SPEG: variants seen among roughly 807,000 people sequenced by gnomAD.
The protein encoded by SPEG is striated muscle enriched protein kinase.
Under a neutral mutation model 300.4 loss-of-function variants are expected in SPEG, and 114 were observed. That is an observed-to-expected ratio of 0.38 (90% CI 0.33 to 0.44). The LOEUF (loss-of-function observed/expected upper bound fraction) is 0.44. SPEG is among the 20% of genes least tolerant of loss of function. The pLI is 1.00. For synonymous variants in SPEG, 1,964 were observed against 2,018.9 expected (o/e 0.97, Z 0.73); for missense variants, 4,201 against 4,586.2 (o/e 0.92, Z 2.43).
chr2:219,456,180 C>A (rs529425794), intron 6 of SPEG, among the ~76,000 whole-genome samples: 1 of 152,234 alleles, frequency 6.6e-6, no homozygotes, highest in African/African-American at 2.4e-5. Flanking sequence ...ATAGAATCAA[C>A]ATGACCACAG....
At position 219,479,039 on chromosome 2, in the gene SPEG, C is replaced by A; in HGVS notation, c.5028-105C>A. The A allele has an allele frequency of 2.1e-6, 2 of 971,380 alleles. No individual in the cohort carries two copies. The highest frequency in any genetic ancestry group is 3.2e-6 in the Non-Finnish European group (2 of 620,658). The allele number at this position is 971,380 out of a possible 1,614,324, so 60.2% of individuals were successfully genotyped here. On this transcript the variant is annotated intron_variant, in intron 22 of 40. Transcript: ENST00000312358. This position sits in a 1 kb window ranked among gnomAD's most constrained non-coding sequence, Gnocchi z 5.5. ...CAGTCTCTGGCTAGTATCAAGCATT[C>A]TGTAAGGGGAAGGAGAACCCCGTGC...
Position 219,448,854 on chromosome 2 carries a change from G to T in SPEG, c.1696G>T (p.Asp566Tyr). ...TCCGAGCAGCGCGGAGAAGCCGGGG[G>T]ACGAGCCTGGGAGGCCCAGGAGCCG... Reference protein sequence around the residue: ...PSPSSAEKPGDEPGRPRSRGP... With the variant: ...PSPSSAEKPGYEPGRPRSRGP... Residue 566 changes from aspartate to tyrosine, a missense_variant, in exon 4 of 41, where the codon GAC (aspartate) becomes TAC (tyrosine). Asp to Tyr is a radical substitution (Grantham distance 160). Around this residue, in one of 4 missense-constraint regions of SPEG, gnomAD observed 1,258 missense variants for 1,293.9 expected, o/e 0.97. Coordinates refer to ENST00000312358, the MANE Select transcript of SPEG (RefSeq NM_005876.5). The T allele has an allele frequency of 7.1e-7, 1 of 1,402,148 alleles. No individual in the cohort carries two copies. The allele number at this position is 1,402,148 out of a possible 1,614,324, so 86.9% of individuals were successfully genotyped here.
intron 29 of SPEG, 79 bp from the exon 30 acceptor site, chr2:219,483,019 C>A (rs1281399001): frequency 2.7e-6 from 4 of 1,497,528 alleles, no homozygotes; most frequent in Admixed American, 1.9e-5. Context: ...AGGCCTCTTC[C>A]CCAGGGCTGA....
chr2:219,483,480 G>T lies in SPEG; in HGVS notation c.6017G>T (p.Arg2006Met). Residue 2006 changes from arginine to methionine, a missense_variant, in exon 30 of 41, where the codon AGG becomes ATG. Coordinates refer to ENST00000312358, the MANE Select transcript of SPEG (RefSeq NM_005876.5). ...GAGCCCGCAGCTGGGGCTAGCCCCA[G>T]GCGGGGAGAGCTCCGCAGGGGCAGC... is the stretch of plus-strand genomic sequence containing the variant. ...GQEPAAGASP[R>M]RGELRRGSSA... 1 of 1,456,830 alleles carries T rather than the reference G, an allele frequency of 6.9e-7. No individual in the cohort carries two copies. The highest frequency in any genetic ancestry group is 2.6e-5 in the East Asian group (1 of 38,674). 90.2% of individuals were successfully genotyped at this position (1,456,830 alleles called of 1,614,324 possible).
chr2:219,448,933 G>C lies in SPEG; in HGVS notation c.1775G>C (p.Arg592Pro). 2 of 1,492,430 alleles carry C rather than the reference G, an allele frequency of 1.3e-6. No individual in the cohort carries two copies. Among genetic ancestry groups the C allele is most frequent in the Non-Finnish European group, 1.8e-6 (2 of 1,126,148 alleles). The allele number at this position is 1,492,430 out of a possible 1,614,324, so 92.4% of individuals were successfully genotyped here. ...GAAGGCCCGCAGCAGGAGGTTAGGC[G>C]TCGGGACCAATTCCCGCTGACCCGG... ...PGEGPQQEVR[R>P]RDQFPLTRSR... The change falls in exon 4 of 41, where the codon CGT becomes CCT. Residue 592 changes from arginine (R) to proline (P), a missense_variant. Physicochemically the swap from Arg to Pro is moderately radical, Grantham distance 103. Around this residue, in one of 4 missense-constraint regions of SPEG, gnomAD observed 1,258 missense variants for 1,293.9 expected, o/e 0.97. Coordinates refer to ENST00000312358, the MANE Select transcript of SPEG (RefSeq NM_005876.5).
Position 219,448,580 on chromosome 2 carries a change from G to C in SPEG, c.1422G>C (p.Ala474=). Residue 474 remains alanine (A), a synonymous_variant, in exon 4 of 41, where the codon GCG becomes GCC. Transcript: ENST00000312358. ...GGCGCCGCCTGTTCCAGCAGAAAGC[G>C]GCCTCGCTGGACGAGCGCACGCGTC... ...AERRRLFQQK[A]ASLDERTRQR... is the part of the protein sequence containing the mutation. The C allele has an allele frequency of 6.9e-7, 1 of 1,454,314 alleles. No homozygotes were observed. The highest frequency in any genetic ancestry group is 9.0e-7 in the Non-Finnish European group (1 of 1,110,664). 90.1% of individuals were successfully genotyped at this position (1,454,314 alleles called of 1,614,324 possible).
rs374104156 is a variant in SPEG, at chr2:219,451,611, G to C, written c.2258-14G>C. ...GTGGGCCGTGGCGAGCCGGGTCCCTGTGCCTCCCCACAGTGTCCTGGCACA... is the reference window on the plus strand; with the variant it reads ...GTGGGCCGTGGCGAGCCGGGTCCCTCTGCCTCCCCACAGTGTCCTGGCACA... On this transcript the variant is annotated splice_polypyrimidine_tract_variant and intron_variant, in intron 5 of 40. Transcript: ENST00000312358. The surrounding 1 kb of genome is among the most constrained non-coding windows in gnomAD (Gnocchi z 6.4). 1 of 1,523,098 alleles carries C rather than the reference G, an allele frequency of 6.6e-7. No individual in the cohort carries two copies. Among genetic ancestry groups the C allele is most frequent in the African/African-American group, 1.4e-5 (1 of 72,916 alleles). 94.3% of individuals were successfully genotyped at this position (1,523,098 alleles called of 1,614,324 possible).
At position 219,481,383 on chromosome 2, in the gene SPEG, G is replaced by A. The variant is rs369290013; in HGVS notation, c.5449G>A (p.Glu1817Lys). The stretch of plus-strand genomic sequence containing the variant: ...CATCCGAAACTACAACGTGGCCTTC[G>A]AGGAGACCACATTCCTGAGCCTGAG... The part of the protein sequence containing the change: ...MNIRNYNVAF[E>K]ETTFLSLSRE... Residue 1817 changes from glutamate to lysine, a missense_variant, in exon 27 of 41, where the codon GAG (glutamate) becomes AAG (lysine). Coordinates refer to ENST00000312358, the MANE Select transcript of SPEG (RefSeq NM_005876.5). The surrounding 1 kb of genome is among the most constrained non-coding windows in gnomAD (Gnocchi z 5.4). 22 of 1,613,994 alleles carry A rather than the reference G, an allele frequency of 1.4e-5. No homozygotes were observed. The highest frequency in any genetic ancestry group is 8.3e-5 in the Admixed American group (5 of 60,004).
In SPEG at chr2:219,457,358, G is replaced by A. The variant is rs1690273181; in HGVS notation, c.2441-4524G>A. 3.9e-5 allele frequency among the ~76,000 whole-genome samples: 6 copies of A among 152,150 alleles called. No homozygotes were observed. In the South Asian group the frequency reaches 8.3e-4, roughly 21 times the overall value. On this transcript the variant is annotated intron_variant, in intron 6 of 40. Coordinates refer to ENST00000312358, the MANE Select transcript of SPEG (RefSeq NM_005876.5). The stretch of plus-strand genomic sequence containing the variant: ...AGCACTTTGGGAGGCCAAGGCAGGT[G>A]GAACACTTGAGACCAGGAGTTTGAG...
chr2:219,440,130 C>T (rs1400325738), intron 1 of SPEG, among the ~76,000 whole-genome samples: 1 of 152,214 alleles, frequency 6.6e-6, no homozygotes, highest in East Asian at 1.9e-4. Flanking sequence ...TGCCTATCAT[C>T]CCAGCATTTT....
rs1044615479 is a variant in SPEG at position 219,480,259 on chromosome 2, G to A, written c.5342+119G>A. 2 of 1,127,838 alleles carry A rather than the reference G, an allele frequency of 1.8e-6. No individual in the cohort carries two copies. The highest frequency in any genetic ancestry group is 2.1e-5 in the Admixed American group (1 of 46,592). 69.9% of individuals were successfully genotyped at this position (1,127,838 alleles called of 1,614,324 possible). Reference sequence around the variant, plus strand: ...GAATTCCTCCTGAAGGTGGGCTGGAGGCATTGTTTGCAGGGTCTCCTGCCC... The same window carrying A: ...GAATTCCTCCTGAAGGTGGGCTGGAAGCATTGTTTGCAGGGTCTCCTGCCC... On this transcript the variant is annotated intron_variant, in intron 25 of 40. Transcript: ENST00000312358. The surrounding 1 kb of genome is among the most constrained non-coding windows in gnomAD (Gnocchi z 5.3).
In SPEG at chr2:219,481,687, C is replaced by T. The variant is rs763796363; in HGVS notation, c.5565+7C>T. On this transcript the variant is annotated splice_region_variant and intron_variant, in intron 28 of 40. Coordinates refer to ENST00000312358, the MANE Select transcript of SPEG (RefSeq NM_005876.5). This position sits in a 1 kb window ranked among gnomAD's most constrained non-coding sequence, Gnocchi z 5.4. The stretch of plus-strand genomic sequence containing the variant: ...AGAACATCCTTGGTTCAAAGTGAGT[C>T]TAGTCTGCAAAGTGGTGGCACAAAA... 1.1e-5 allele frequency: 17 copies of T among 1,613,816 alleles called. No individual in the cohort carries two copies. Among genetic ancestry groups the T allele is most frequent in the Middle Eastern group, 1.7e-4 (1 of 6,060 alleles).
Position 219,484,365 on chromosome 2 carries a change from C to G in SPEG, c.6902C>G (p.Pro2301Arg). 1 of 1,607,104 alleles carries G rather than the reference C, an allele frequency of 6.2e-7. No homozygotes were observed. The highest frequency in any genetic ancestry group is 1.7e-4 in the Middle Eastern group (1 of 6,054). The change falls in exon 30 of 41, where the codon CCG becomes CGG. Residue 2301 changes from proline (P) to arginine (R), a missense_variant. By Grantham distance (103) the Pro-to-Arg change is moderately radical (BLOSUM62 -2). Around this residue, in one of 4 missense-constraint regions of SPEG, gnomAD observed 1,578 missense variants for 1,506.0 expected, o/e 1.05. Coordinates refer to ENST00000312358, the MANE Select transcript of SPEG (RefSeq NM_005876.5). ...EKRVPSAGGP[P>R]VLAEKARVPT... The stretch of plus-strand genomic sequence containing the variant: ...CGCGTGCCCTCAGCCGGGGGTCCCC[C>G]GGTGCTAGCCGAGAAAGCCCGAGTT...
At position 219,439,183 on chromosome 2, in the gene SPEG, G is replaced by T. The variant is rs116158107; in HGVS notation, c.388+3818G>T. On this transcript the variant is annotated intron_variant, in intron 1 of 40. Coordinates refer to ENST00000312358, the MANE Select transcript of SPEG (RefSeq NM_005876.5). The surrounding 1 kb of genome is among the most constrained non-coding windows in gnomAD (Gnocchi z 4.5). ...TGGGTTAGGACAGAGAAGGGGGAAGGCTGGATGAGTGGAAGCCGTTGCAGG... is the reference window on the plus strand; with the variant it reads ...TGGGTTAGGACAGAGAAGGGGGAAGTCTGGATGAGTGGAAGCCGTTGCAGG... 4.6e-3 allele frequency among the ~76,000 whole-genome samples: 695 copies of T among 152,256 alleles called. 1 individual carries two copies. Among genetic ancestry groups the T allele is most frequent in the Non-Finnish European group, 8.5e-3 (578 of 68,028 alleles).
chr2:219,489,626 A>G lies in SPEG; in HGVS notation c.8608A>G (p.Ser2870Gly). ...CCTACCCAGTACCCACGTCACCCCAAGTGAGCCCAAGCCTTTCGTCCTTGA... is the reference window on the plus strand; with the variant it reads ...CCTACCCAGTACCCACGTCACCCCAGGTGAGCCCAAGCCTTTCGTCCTTGA... ...PTLPSTHVTP[S>G]EPKPFVLDTG... is the part of the protein sequence containing the mutation. The change falls in exon 36 of 41, where the codon AGT becomes GGT. Residue 2870 changes from serine (S) to glycine (G), a missense_variant. Around this residue, in one of 4 missense-constraint regions of SPEG, gnomAD observed 1,578 missense variants for 1,506.0 expected, o/e 1.05. Coordinates refer to ENST00000312358, the MANE Select transcript of SPEG (RefSeq NM_005876.5). The G allele has an allele frequency of 6.2e-7, 1 of 1,613,820 alleles. No individual in the cohort carries two copies. The highest frequency in any genetic ancestry group is 1.1e-5 in the South Asian group (1 of 91,072).
Position 219,464,577 on chromosome 2 carries a change from T to G in SPEG, c.2850T>G (p.Ala950=). 6.2e-7 allele frequency: 1 copy of G among 1,614,214 alleles called. No homozygotes were observed. The part of the protein sequence containing the change: ...YTCKAVNEYG[A]RQCEARLEVR... ...GCAAAGCGGTCAATGAGTATGGTGCTCGGCAGTGCGAGGCCCGCTTGGAGG... is the reference window on the plus strand; with the variant it reads ...GCAAAGCGGTCAATGAGTATGGTGCGCGGCAGTGCGAGGCCCGCTTGGAGG... Residue 950 remains alanine, a synonymous_variant, in exon 9 of 41, where the codon GCT becomes GCG. Transcript: ENST00000312358. This position sits in a 1 kb window ranked among gnomAD's most constrained non-coding sequence, Gnocchi z 4.5.
chr2:219,483,965 T>C lies in SPEG; in HGVS notation c.6502T>C (p.Ser2168Pro), dbSNP rs1693115781. ...TAGGCTACAGGAGTCTCCTTCCCTG[T>C]CTGCCCTCAGCGAGGCCCAGCCATC... ...ARRLQESPSL[S>P]ALSEAQPSSP... The change falls in exon 30 of 41, where the codon TCT (serine) becomes CCT (proline). Residue 2168 changes from serine (S) to proline (P), a missense_variant. Ser to Pro is a moderately conservative substitution (Grantham distance 74). Coordinates refer to ENST00000312358, the MANE Select transcript of SPEG (RefSeq NM_005876.5). 6.2e-7 allele frequency: 1 copy of C among 1,608,828 alleles called. No individual in the cohort carries two copies. The highest frequency in any genetic ancestry group is 2.2e-5 in the East Asian group (1 of 44,828).
chr2:219,467,467 G>T, intron 10 of SPEG, 33 bp downstream of exon 10: 1 of 1,575,550 alleles, frequency 6.3e-7, no homozygotes, highest in South Asian at 1.1e-5. Context: ...GGCTGCCGTG[G>T]GTGCCCAAGA....
At chr2:219,462,519 G>A in intron 8 of SPEG, 133 bp downstream of exon 8, 1 of 699,244 alleles carries the variant, frequency 1.4e-6, no homozygotes, top group Non-Finnish European at 2.4e-6. Flanking sequence ...CCTCATCTCA[G>A]GGACAGCAGT....
Sources: allele counts gnomAD v4.1 joint callset (sites outside exome capture counted in the v4.1 genomes callset), GRCh38; gene constraint gnomAD v4.1.1; regional missense constraint gnomAD v4.1.1; non-coding constraint Gnocchi (gnomAD v3.1); transcripts MANE v1.5; gene names NCBI Gene and HGNC (gene_info 2026-07-23, HGNC 2026-07-21).